Variants in GSE1 observed in about 807,000 individuals in gnomAD.
The protein encoded by GSE1 is genetic suppressor element 1.
In GSE1, 32 loss-of-function variants were observed where a neutral mutation model predicts 112.6. The observed-to-expected ratio is 0.28, with a 90% CI of 0.21 to 0.38. The LOEUF (loss-of-function observed/expected upper bound fraction) is 0.38. GSE1 is among the 10% of genes least tolerant of loss of function. GSE1 has a pLI of 1.00. For missense variants in GSE1, 2,348 were observed against 1,699.2 expected (o/e 1.38, Z -6.71); for synonymous variants, 1,115 against 735.6 (o/e 1.52, Z -8.35).
rs1433718718 is a variant in GSE1 at position 85,656,371 on chromosome 16, G to C, written c.1018G>C (p.Glu340Gln). 2 of 1,609,348 alleles carry C rather than the reference G, an allele frequency of 1.2e-6. No homozygotes were observed. The highest frequency in any genetic ancestry group is 1.4e-5 in the African/African-American group (1 of 72,892). Reference sequence around the variant, plus strand: ...GCAGATGGACGAGGAGCTAAGGCGGGAGAGGGAGCGCGAGCGCGAGCGCGA... The same window carrying C: ...GCAGATGGACGAGGAGCTAAGGCGGCAGAGGGAGCGCGAGCGCGAGCGCGA... ...RLQMDEELRR[E>Q]RERERERERE... Residue 340 changes from glutamate to glutamine, a missense_variant, in exon 7 of 16, where the codon GAG becomes CAG. Transcript: ENST00000253458.
At chr16:85,653,997 T>C (rs1037251244) in intron 3 of GSE1, among the ~76,000 whole-genome samples, 12 of 152,086 alleles carry the variant, frequency 7.9e-5, no homozygotes, top group Non-Finnish European at 1.5e-4. Context: ...ATTGTGTTTC[T>C]GGGGGGTTCT....
chr16:85,454,638 C>T (rs368840295), intron 2 of GSE1, among the ~76,000 whole-genome samples: 38 of 152,326 alleles, frequency 2.5e-4, no homozygotes, highest in African/African-American at 7.5e-4. Flanking sequence ...GTCGGCAGGA[C>T]GCGTTCCTTG....
chr16:85,221,332 A>T (rs114383126), intron 1 of GSE1, among the ~76,000 whole-genome samples: 16 of 143,134 alleles, frequency 1.1e-4, no homozygotes, highest in African/African-American at 4.2e-4. Flanking sequence ...ACACACACAC[A>T]CACCCCAAGT....
In GSE1 at chr16:85,357,616, G is replaced by A. The variant is rs1446961493; in HGVS notation, c.2437G>A (p.Glu813Lys). ...ACAGTGTCTGCAGAGCAGCCGGGAG[G>A]AGGACGGACCAGACCTTACTGGTGC... The change falls in exon 2 of 3, where the codon GAG (glutamate) becomes AAG (lysine). Residue 813 changes from glutamate to lysine, a missense_variant. Transcript: ENST00000637419. The A allele has an allele frequency of 3.9e-6, 5 of 1,288,932 alleles. No individual in the cohort carries two copies. The East Asian group carries it at 2.2e-4, about 57-fold the overall frequency. 79.8% of individuals were successfully genotyped at this position (1,288,932 alleles called of 1,614,324 possible). A position where few individuals can be genotyped will look rare whatever the true frequency, so the allele number is the denominator to read the frequency against.
chr16:85,536,627 C>T (rs778141229), intron 2 of GSE1, among the ~76,000 whole-genome samples: 3 of 152,216 alleles, frequency 2.0e-5, no homozygotes, highest in Non-Finnish European at 2.9e-5. Context: ...TCTGAGGTAC[C>T]GCGAGGCCAC....
intron 1 of GSE1, among the ~76,000 whole-genome samples, chr16:85,176,405 C>T (rs1443848926): frequency 6.6e-6 from 1 of 152,246 alleles, no homozygotes; most frequent in African/African-American, 2.4e-5. Context: ...TGAGACGCCC[C>T]ACTTGGCTGC....
At chr16:85,516,586 CAAAAAA>C (rs35709045) in intron 2 of GSE1, among the ~76,000 whole-genome samples, 2 of 80,476 alleles carry the variant, frequency 2.5e-5, no homozygotes, top group Non-Finnish European at 2.7e-5. Flanking sequence ...GACCCTGTCT[CAAAAAA>C]AAAAAAAAAA....
chr16:85,298,874 G>A (rs990952654), intron 1 of GSE1, among the ~76,000 whole-genome samples: 1 of 152,248 alleles, frequency 6.6e-6, no homozygotes, highest in African/African-American at 2.4e-5. Context: ...GGGGAGCATA[G>A]GCGTTTATGG....
At chr16:85,556,576 C>A (rs1244999849) in intron 1 of GSE1, among the ~76,000 whole-genome samples, 1 of 151,552 alleles carries the variant, frequency 6.6e-6, no homozygotes, top group Non-Finnish European at 1.5e-5. Context: ...CCACCTGGCC[C>A]GCCGCCCCCA....
At chr16:85,553,836 T>C (rs2045060354), upstream of GSE1, among the ~76,000 whole-genome samples, 2 of 152,178 alleles carry the variant, frequency 1.3e-5, no homozygotes, top group African/African-American at 2.4e-5. Flanking sequence ...TAGGGTATCG[T>C]ATTCCGGGAG....
rs1345337298 is a variant in GSE1, at chr16:85,172,112, G to C, written c.2283+305G>C. On this transcript the variant is annotated intron_variant, in intron 1 of 2. Coordinates refer to the GSE1 transcript ENST00000637419. ...CCTGAACTTGGGTGTGTTTGCAGTG[G>C]GATCTATCAAACAGAGGAAGTTCGG... is the stretch of plus-strand genomic sequence containing the variant. Among the ~76,000 whole-genome samples the C allele has an allele frequency of 2.6e-5, 4 of 152,252 alleles. No homozygotes were observed. In the South Asian group the frequency reaches 8.3e-4, roughly 32 times the overall value.
intron 2 of GSE1, among the ~76,000 whole-genome samples, chr16:85,523,222 G>A (rs1268019149): frequency 6.7e-6 from 1 of 150,264 alleles, no homozygotes; most frequent in Admixed American, 6.6e-5. Flanking sequence ...GTGGCTGTGT[G>A]TCCCCTGTGT....
chr16:85,654,389 C>G lies in GSE1; in HGVS notation c.538C>G (p.Pro180Ala), dbSNP rs533754397. 1 of 1,609,172 alleles carries G rather than the reference C, an allele frequency of 6.2e-7. No homozygotes were observed. Among genetic ancestry groups the G allele is most frequent in the Non-Finnish European group, 8.5e-7 (1 of 1,177,986 alleles). ...CATCCCCTCGCACCTGCTCAGCACC[C>G]CCTACCCCTTCGGCCTCTCCCCCAG... ...PAIPSHLLSTPYPFGLSPSSV... is the reference protein window; with the variant it reads ...PAIPSHLLSTAYPFGLSPSSV... Residue 180 changes from proline to alanine, a missense_variant, in exon 4 of 16, where the codon CCC (proline) becomes GCC (alanine). Transcript: ENST00000253458.
chr16:85,666,091 G>C lies in GSE1; in HGVS notation c.2874G>C (p.Gln958His). The C allele has an allele frequency of 6.2e-7, 1 of 1,613,282 alleles. No individual in the cohort carries two copies. The highest frequency in any genetic ancestry group is 8.5e-7 in the Non-Finnish European group (1 of 1,179,974). Residue 958 changes from glutamine (Q) to histidine (H), a missense_variant, in exon 13 of 16, where the codon CAG becomes CAC. Physicochemically the swap from Gln to His is conservative, Grantham distance 24. Transcript: ENST00000253458. ...GGAAGCTGGAACAGGTCCGGCCCCA[G>C]GAGCTGTCGAGAGTCCAGGAGCTAG... ...EPGKLEQVRP[Q>H]ELSRVQELAP...
intron 1 of GSE1, among the ~76,000 whole-genome samples, chr16:85,579,548 C>T (rs1356560550): frequency 4.6e-5 from 7 of 152,180 alleles, no homozygotes; most frequent in African/African-American, 9.7e-5. Flanking sequence ...GTCAGAGGGA[C>T]GCGTCCTGGA....
rs2052453850 is a variant in GSE1, at chr16:85,661,772, C to T, written c.2260+7C>T. On this transcript the variant is annotated splice_region_variant and intron_variant, in intron 9 of 15. Transcript: ENST00000253458. ...CGGGAGGCCCAGGAGAAAGGTCTGC[C>T]TCCCCGCGGGCCCCGAGCTGCTCAG... 1.3e-6 allele frequency: 2 copies of T among 1,501,442 alleles called. No homozygotes were observed. Among genetic ancestry groups the T allele is most frequent in the East Asian group, 2.5e-5 (1 of 40,794 alleles). The allele number at this position is 1,501,442 out of a possible 1,614,324, so 93.0% of individuals were successfully genotyped here. A position where few individuals can be genotyped will look rare whatever the true frequency, so the allele number is the denominator to read the frequency against.
chr16:85,218,126 T>G (rs1355309458), intron 1 of GSE1, among the ~76,000 whole-genome samples: 1 of 152,134 alleles, frequency 6.6e-6, no homozygotes, highest in Non-Finnish European at 1.5e-5. Flanking sequence ...GGTCTCGAAC[T>G]CCTGGCCTCA....
chr16:85,357,486 A>G (rs2046973722), exon 2 of GSE1: 1 of 1,249,382 alleles, frequency 8.0e-7, no homozygotes, highest in Admixed American at 2.7e-5. Context: ...CTCTGGAAGC[A>G]TCTGCAGCCA....
At chr16:85,435,530 G>A (rs2049226297) in intron 2 of GSE1, among the ~76,000 whole-genome samples, 1 of 152,196 alleles carries the variant, frequency 6.6e-6, no homozygotes, top group Non-Finnish European at 1.5e-5. Flanking sequence ...CTTCTGGGGC[G>A]GGTCCTGGGG....
Sources: gnomAD v4.1 joint callset for allele counts (sites outside exome capture counted in the v4.1 genomes callset) on GRCh38, gnomAD v4.1.1 for gene constraint, MANE v1.5 for transcripts, NCBI Gene and HGNC (gene_info 2026-07-23, HGNC 2026-07-21) for gene names.